Variants in CFAP47 observed in about 807,000 individuals in gnomAD.
CFAP47 encodes cilia- and flagella-associated protein 47.
CFAP47 carries 29 observed loss-of-function variants against 148.1 expected under a neutral mutation model. The observed-to-expected ratio is 0.20, with a 90% CI of 0.15 to 0.27. The LOEUF is 0.27. CFAP47 is among the 10% of genes least tolerant of loss of function. The pLI, the probability that CFAP47 is intolerant of heterozygous loss-of-function variation, is 1.00. For synonymous variants in CFAP47, 664 were observed against 577.3 expected (o/e 1.15, Z -2.15); for missense variants, 1,872 against 1,697.5 (o/e 1.10, Z -1.81).
intron 4 of CFAP47, 113 bp downstream of exon 4, chrX:35,948,565 G>A (rs953502437): frequency 2.0e-5 from 12 of 599,600 alleles, no homozygotes; most frequent in Admixed American, 1.4e-4. Context: ...TCCATTCAGC[G>A]TTGTTCATTG....
intron 39 of CFAP47, among the ~76,000 whole-genome samples, chrX:36,171,890 G>A (rs1206808876): frequency 9.2e-6 from 1 of 109,130 alleles, no homozygotes; most frequent in Non-Finnish European, 1.9e-5. Context: ...ACCTTGGGCA[G>A]TATGGCCATT....
chrX:36,299,133 A>G lies in CFAP47; in HGVS notation c.7843A>G (p.Thr2615Ala). 9.4e-7 allele frequency: 1 copy of G among 1,068,332 alleles called. No individual in the cohort carries two copies. Among genetic ancestry groups the G allele is most frequent in the Non-Finnish European group, 1.2e-6 (1 of 808,785 alleles). 88.0% of individuals were successfully genotyped at this position (1,068,332 alleles called of 1,213,427 possible). ...TATTGTATGGTATTCTCCAGCAACT[A>G]CAGGCTACAGCGATGAAAGGTATGG... ...KYIVWYSPAT[T>A]GYSDESIIFQ... The change falls in exon 52 of 64, where the codon ACA becomes GCA. Residue 2615 changes from threonine (T) to alanine (A), a missense_variant. Physicochemically the swap from Thr to Ala is moderately conservative, Grantham distance 58 (BLOSUM62 0). Coordinates refer to ENST00000378653, the MANE Select transcript of CFAP47 (RefSeq NM_001304548.2).
intron 2 of CFAP47, among the ~76,000 whole-genome samples, chrX:35,927,098 C>T (rs1037719683): frequency 2.8e-5 from 3 of 107,538 alleles, no homozygotes; most frequent in Admixed American, 2.0e-4. Flanking sequence ...GAGGCTACAG[C>T]GAGCCGAGAT....
chrX:36,261,495 C>T (rs1297445438), intron 49 of CFAP47, among the ~76,000 whole-genome samples: 107 of 105,878 alleles, frequency 1.0e-3, no homozygotes, highest in Non-Finnish European at 1.5e-3. Context: ...GTTTGTGTCC[C>T]TGGGTACTTG....
chrX:35,971,909 A>G lies in CFAP47; in HGVS notation c.2198A>G (p.Glu733Gly), dbSNP rs1341801741. 3 of 1,201,617 alleles carry G rather than the reference A, an allele frequency of 2.5e-6. No homozygotes were observed. In the Admixed American group the frequency reaches 6.6e-5, roughly 26 times the overall value. Residue 733 changes from glutamate to glycine, a missense_variant, in exon 13 of 64, where the codon GAA (glutamate) becomes GGA (glycine). Coordinates refer to ENST00000378653, the MANE Select transcript of CFAP47 (RefSeq NM_001304548.2). ...GLKSEPSTPQ[E>G]KHDCSLMLTP... Reference sequence around the variant, plus strand: ...AAATCAGAACCATCCACTCCACAAGAAAAACATGATTGCAGCTTAATGTTG... The same window carrying G: ...AAATCAGAACCATCCACTCCACAAGGAAAACATGATTGCAGCTTAATGTTG...
In CFAP47 at chrX:36,264,659, CT is replaced by C. The variant is rs1317829890; in HGVS notation, c.7444+13222del. On this transcript the variant is annotated intron_variant, in intron 49 of 63. Coordinates refer to ENST00000378653, the MANE Select transcript of CFAP47 (RefSeq NM_001304548.2). The stretch of plus-strand genomic sequence containing the variant: ...GACGGGTGACATTGGAGACTCAAGA[CT>C]TTTTTTCTATTTCTTCAGTGCCTCT... Among the ~76,000 whole-genome samples, 37 of 112,098 alleles carry C rather than the reference CT, an allele frequency of 3.3e-4. No individual in the cohort carries two copies. In the East Asian group the frequency reaches 5.9e-3, roughly 18 times the overall value.
chrX:36,069,678 C>T (rs981161212), intron 27 of CFAP47, among the ~76,000 whole-genome samples: 2 of 110,632 alleles, frequency 1.8e-5, no homozygotes, highest in African/African-American at 6.6e-5. Flanking sequence ...GTTAGATGCC[C>T]TTATATATCT....
At chrX:36,348,816 C>A (rs1200002418) in intron 58 of CFAP47, among the ~76,000 whole-genome samples, 1 of 111,633 alleles carries the variant, frequency 9.0e-6, no homozygotes, top group Admixed American at 9.6e-5. Flanking sequence ...GGAAGTTAAG[C>A]AAAATTCAAT....
chrX:36,230,386 T>C (rs1334286848), intron 46 of CFAP47, among the ~76,000 whole-genome samples: 2 of 109,341 alleles, frequency 1.8e-5, no homozygotes, highest in Admixed American at 9.8e-5. Context: ...TTTCATGTGT[T>C]TTTTGGCTGC....
At chrX:36,243,829 T>C (rs2146916234) in intron 48 of CFAP47, among the ~76,000 whole-genome samples, 1 of 107,705 alleles carries the variant, frequency 9.3e-6, no homozygotes, top group African/African-American at 3.3e-5. Context: ...TAGAAAGAAG[T>C]CCTGAACTTC....
At chrX:36,160,852 T>A in intron 39 of CFAP47, 83 bp downstream of exon 39, 2 of 103,938 alleles carry the variant, frequency 1.9e-5, no homozygotes, top group African/African-American at 7.4e-5. Context: ...CTTTCTTTCT[T>A]TTTTTTTTTT....
At chrX:36,345,684 T>C (rs782804690) in intron 57 of CFAP47, among the ~76,000 whole-genome samples, 1 of 112,181 alleles carries the variant, frequency 8.9e-6, no homozygotes, top group African/African-American at 3.2e-5. Context: ...TTTTCATTTC[T>C]AAAATGAGAA....
At position 36,353,695 on chromosome X, in the gene CFAP47, G is replaced by A. The variant is rs781919989; in HGVS notation, c.8851+14G>A. On this transcript the variant is annotated intron_variant, in intron 60 of 63. Transcript: ENST00000378653. ...AGGATCCCAATGGTAAGAGAACTAC[G>A]GTTATAGAAAAAATAAAATGAAAAA... 4.0e-5 allele frequency: 44 copies of A among 1,102,419 alleles called. No homozygotes were observed. The African/African-American group carries it at 4.3e-4, about 11-fold the overall frequency. The allele number at this position is 1,102,419 out of a possible 1,213,427, so 90.9% of individuals were successfully genotyped here.
intron 10 of CFAP47, among the ~76,000 whole-genome samples, chrX:35,970,077 C>T (rs145851944): frequency 0.021 from 1,899 of 91,334 alleles, 68 homozygotes; most frequent in African/African-American, 0.074. Context: ...CCCATACTTA[C>T]GTTTTAATTA....
intron 49 of CFAP47, among the ~76,000 whole-genome samples, chrX:36,268,802 G>T (rs1940925268): frequency 9.0e-6 from 1 of 111,726 alleles, no homozygotes; most frequent in African/African-American, 3.2e-5. Flanking sequence ...AAGAATCTCA[G>T]ATATAGCAGT....
rs1310042600 is a variant in CFAP47, at chrX:36,236,737, A to G, written c.7210A>G (p.Ile2404Val). ...AGATGGTAGGGAGCACATCTTTGACATAAAAGGGGTTGGGAAAAAACCTTC... is the reference window on the plus strand; with the variant it reads ...AGATGGTAGGGAGCACATCTTTGACGTAAAAGGGGTTGGGAAAAAACCTTC... ...EVDGREHIFDIKGVGKKPSAL... is the reference protein window; with the variant it reads ...EVDGREHIFDVKGVGKKPSAL... The change falls in exon 48 of 64, where the codon ATA (isoleucine) becomes GTA (valine). Residue 2404 changes from isoleucine (I) to valine (V), a missense_variant. Physicochemically the swap from Ile to Val is conservative, Grantham distance 29 (BLOSUM62 3). Coordinates refer to ENST00000378653, the MANE Select transcript of CFAP47 (RefSeq NM_001304548.2). 1.9e-6 allele frequency: 1 copy of G among 524,153 alleles called. No individual in the cohort carries two copies. Among genetic ancestry groups the G allele is most frequent in the Non-Finnish European group, 3.5e-6 (1 of 286,655 alleles). The allele number at this position is 524,153 out of a possible 1,213,427, so 43.2% of individuals were successfully genotyped here.
intron 27 of CFAP47, among the ~76,000 whole-genome samples, chrX:36,068,467 G>A (rs966069642): frequency 9.0e-6 from 1 of 111,587 alleles, no homozygotes; most frequent in Non-Finnish European, 1.9e-5. Flanking sequence ...TGGATTACTT[G>A]AATCATAAAC....
intron 39 of CFAP47, among the ~76,000 whole-genome samples, chrX:36,166,309 C>A (rs1939489288): frequency 9.0e-6 from 1 of 110,561 alleles, no homozygotes; most frequent in South Asian, 3.7e-4. Context: ...TTTCTCTGTT[C>A]TTCAGAATGT....
At chrX:36,174,271 C>A (rs1235035355) in intron 39 of CFAP47, among the ~76,000 whole-genome samples, 2 of 110,622 alleles carry the variant, frequency 1.8e-5, no homozygotes, top group Non-Finnish European at 3.8e-5. Flanking sequence ...CAGTCTGTGT[C>A]TTTTAATTGG....
Sources: gnomAD v4.1 joint callset for allele counts (sites outside exome capture counted in the v4.1 genomes callset) on GRCh38, gnomAD v4.1.1 for gene constraint, MANE v1.5 for transcripts, NCBI Gene and HGNC (gene_info 2026-07-23, HGNC 2026-07-21) for gene names.